ATP9B: variants seen among roughly 807,000 people sequenced by gnomAD.
ATP9B encodes probable phospholipid-transporting ATPase IIB.
In ATP9B, 110 loss-of-function variants were observed where a neutral mutation model predicts 146.1. The ratio of observed to expected loss-of-function variants is 0.75; its 90% CI spans 0.65 to 0.88. The LOEUF (loss-of-function observed/expected upper bound fraction) is 0.88. Among genes scored for constraint, ATP9B ranks in the 40% least tolerant of loss-of-function variants. ATP9B has a pLI of 0.00. For missense variants in ATP9B, 1,499 were observed against 1,496.4 expected (o/e 1.00, Z -0.03); for synonymous variants, 604 against 569.7 (o/e 1.06, Z -0.86).
intron 4 of ATP9B, among the ~76,000 whole-genome samples, chr18:79,114,405 G>T (rs934799420): frequency 6.6e-6 from 1 of 152,118 alleles, no homozygotes; most frequent in Non-Finnish European, 1.5e-5. Context: ...TCCACATGGC[G>T]AGCCGAGCAG....
At chr18:79,299,111 C>A (rs898912464) in intron 13 of ATP9B, among the ~76,000 whole-genome samples, 1 of 152,094 alleles carries the variant, frequency 6.6e-6, no homozygotes, top group Non-Finnish European at 1.5e-5. Context: ...GATCCCAGTT[C>A]TTTCCCCCAC....
Position 79,069,483 on chromosome 18 carries a change from T to TACTACAGCGCCGCGGGGCCC in ATP9B, c.75_94dup (p.Arg32ThrfsTer31). On this transcript the variant is annotated frameshift_variant, in exon 1 of 30. Transcript: ENST00000426216. LOFTEE classifies it high-confidence loss of function. The stretch of plus-strand genomic sequence containing the variant: ...CGCAGCCAACCGCAAACGCGCGGCC[T>TACTACAGCGCCGCGGGGCCC]ACTACAGCGCCGCGGGGCCCAGGCC... 1 of 1,488,708 alleles carries TACTACAGCGCCGCGGGGCCC rather than the reference T, an allele frequency of 6.7e-7. No individual in the cohort carries two copies. The highest frequency in any genetic ancestry group is 8.9e-7 in the Non-Finnish European group (1 of 1,120,504). The allele number at this position is 1,488,708 out of a possible 1,614,324, so 92.2% of individuals were successfully genotyped here. A position where few individuals can be genotyped will look rare whatever the true frequency, so the allele number is the denominator to read the frequency against.
intron 11 of ATP9B, among the ~76,000 whole-genome samples, chr18:79,246,918 G>A (rs775593518): frequency 1.3e-5 from 2 of 152,194 alleles, no homozygotes; most frequent in East Asian, 3.9e-4. Context: ...TAGGAATGAT[G>A]TACATTAGAA....
At chr18:79,332,615 G>T (rs1034693446) in intron 17 of ATP9B, among the ~76,000 whole-genome samples, 3 of 152,198 alleles carry the variant, frequency 2.0e-5, no homozygotes, top group East Asian at 1.9e-4. Context: ...GGAGGAGGTG[G>T]AAGCGGAGGC....
chr18:79,282,747 G>A (rs1438099486), intron 13 of ATP9B, among the ~76,000 whole-genome samples: 1 of 152,106 alleles, frequency 6.6e-6, no homozygotes, highest in Non-Finnish European at 1.5e-5. Context: ...TCTCAGTTGT[G>A]CCTGTAGTTT....
intron 6 of ATP9B, among the ~76,000 whole-genome samples, chr18:79,154,099 G>A (rs1216227776): frequency 6.6e-6 from 1 of 150,600 alleles, no homozygotes; most frequent in Non-Finnish European, 1.5e-5. Context: ...GACTACAGGT[G>A]CCTGCCACCA....
In ATP9B at chr18:79,207,428, G is replaced by A. The variant is rs558395599; in HGVS notation, c.1030+416G>A. On this transcript the variant is annotated intron_variant, in intron 10 of 29. Transcript: ENST00000426216. The stretch of plus-strand genomic sequence containing the variant: ...AGAGTGGCTGAAGTGACTGTGGAAC[G>A]GAAAAGTATTAGAAGAGGCCAGGCG... Among the ~76,000 whole-genome samples the A allele has an allele frequency of 9.2e-5, 14 of 152,320 alleles. No individual in the cohort carries two copies. The South Asian group carries it at 2.7e-3, about 29-fold the overall frequency.
rs146990351 is a variant in ATP9B, at chr18:79,263,613, GTCT to G, written c.1268+10079_1268+10081del. Among the ~76,000 whole-genome samples, 273 of 152,262 alleles carry G rather than the reference GTCT, an allele frequency of 1.8e-3. 6 individuals are homozygous for G. The East Asian group carries it at 0.038, about 21-fold the overall frequency. On this transcript the variant is annotated intron_variant, in intron 12 of 29. Coordinates refer to ENST00000426216, the MANE Select transcript of ATP9B (RefSeq NM_198531.5). ...ATGGCTGTGTACAGGACGTTGTGTT[GTCT>G]TCTTCTCATTTCTTGCAGCTTGTCA...
intron 4 of ATP9B, among the ~76,000 whole-genome samples, chr18:79,113,931 C>T (rs959932077): frequency 2.6e-5 from 4 of 152,144 alleles, no homozygotes; most frequent in African/African-American, 7.2e-5. Context: ...AGATGTACAT[C>T]GTCTTTCCTC....
At chr18:79,334,292 G>C (rs1695007674) in intron 17 of ATP9B, among the ~76,000 whole-genome samples, 1 of 152,094 alleles carries the variant, frequency 6.6e-6, no homozygotes, top group South Asian at 2.1e-4. Context: ...GGGAGGCAGA[G>C]CTTGCAGTGA....
At chr18:79,210,486 G>A (rs1348209077) in intron 10 of ATP9B, among the ~76,000 whole-genome samples, 1 of 152,192 alleles carries the variant, frequency 6.6e-6, no homozygotes, top group African/African-American at 2.4e-5. Context: ...GGTCACCTGT[G>A]TCTCTGTGTC....
At chr18:79,353,714 A>C (rs1393189508) in intron 25 of ATP9B, 2 of 152,220 alleles carry the variant, frequency 1.3e-5, no homozygotes, top group Non-Finnish European at 2.9e-5. Flanking sequence ...GCTCCGTGTC[A>C]TGGTCACACG....
chr18:79,332,211 C>G (rs893299982), intron 17 of ATP9B, among the ~76,000 whole-genome samples: 3 of 152,062 alleles, frequency 2.0e-5, no homozygotes, highest in African/African-American at 7.2e-5. Context: ...GGGCAGATCA[C>G]GAGGTCAGGA....
At chr18:79,301,504 G>A (rs1568617758) in intron 13 of ATP9B, among the ~76,000 whole-genome samples, 1 of 152,188 alleles carries the variant, frequency 6.6e-6, no homozygotes, top group East Asian at 1.9e-4. Flanking sequence ...AAGCACAAAT[G>A]TATAAAGCAC....
chr18:79,074,949 C>A lies in ATP9B; in HGVS notation c.119+5420C>A, dbSNP rs368154449. ...CTTGCAGTAAGATATTGTGACTCAACCTGTATGTTGGTAACTATTCTCTGG... is the reference window on the plus strand; with the variant it reads ...CTTGCAGTAAGATATTGTGACTCAAACTGTATGTTGGTAACTATTCTCTGG... On this transcript the variant is annotated intron_variant, in intron 1 of 29. Transcript: ENST00000426216. Among the ~76,000 whole-genome samples, 7 of 152,156 alleles carry A rather than the reference C, an allele frequency of 4.6e-5. No homozygotes were observed. The South Asian group carries it at 1.2e-3, about 27-fold the overall frequency.
chr18:79,195,262 T>A (rs1568376534), intron 9 of ATP9B, among the ~76,000 whole-genome samples: 3 of 151,548 alleles, frequency 2.0e-5, no homozygotes, highest in African/African-American at 7.3e-5. Context: ...TTATTATGAA[T>A]AGAAGAAACT....
intron 1 of ATP9B, among the ~76,000 whole-genome samples, chr18:79,095,282 C>T (rs2074695260): frequency 6.6e-6 from 1 of 152,146 alleles, no homozygotes; most frequent in Non-Finnish European, 1.5e-5. Context: ...AGCTTGCTGC[C>T]TTGGCTCTAT....
intron 15 of ATP9B, among the ~76,000 whole-genome samples, chr18:79,308,274 G>C (rs1394779549): frequency 2.0e-5 from 3 of 152,124 alleles, no homozygotes; most frequent in Admixed American, 6.5e-5. Context: ...AACAGTCTAA[G>C]CGTTCCTGAA....
chr18:79,265,217 C>T (rs984138496), intron 12 of ATP9B, among the ~76,000 whole-genome samples: 5 of 152,202 alleles, frequency 3.3e-5, no homozygotes, highest in African/African-American at 9.7e-5. Flanking sequence ...ATAATGGCCT[C>T]CAGTTCCATC....
Sources: gnomAD v4.1 joint callset for allele counts (sites outside exome capture counted in the v4.1 genomes callset) on GRCh38, gnomAD v4.1.1 for gene constraint, MANE v1.5 for transcripts, NCBI Gene and HGNC (gene_info 2026-07-23, HGNC 2026-07-21) for gene names.